Variants in EPB41L2 observed in about 807,000 individuals in gnomAD.
EPB41L2 encodes erythrocyte membrane protein band 4.1 like 2, also known as band 4.1-like protein 2.
EPB41L2 carries 43 observed loss-of-function variants against 113.0 expected under a neutral mutation model. The observed-to-expected ratio is 0.38, with a 90% CI of 0.30 to 0.49. The LOEUF (loss-of-function observed/expected upper bound fraction) is 0.49, where lower values mean the gene tolerates loss of function less well. EPB41L2 is among the 20% of genes least tolerant of loss of function. EPB41L2 has a pLI of 0.95. For synonymous variants in EPB41L2, 442 were observed against 436.7 expected, an observed-to-expected ratio of 1.01 and a Z score of -0.15; for missense variants, 1,147 against 1,223.4, an observed-to-expected ratio of 0.94 and a Z score of 0.93.
intron 8 of EPB41L2, among the ~76,000 whole-genome samples, chr6:130,897,377 G>A (rs763285428): frequency 3.4e-4 from 51 of 152,096 alleles, no homozygotes; most frequent in Non-Finnish European, 5.7e-4. Flanking sequence ...GGAGTCTATC[G>A]GATGATAAAC....
At chr6:130,947,601 C>T (rs539121474) in intron 3 of EPB41L2, among the ~76,000 whole-genome samples, 13 of 152,152 alleles carry the variant, frequency 8.5e-5, no homozygotes, top group Admixed American at 2.6e-4. Context: ...AGTCCTCAGA[C>T]GGTGATTTCC....
chr6:131,026,164 A>G (rs1456966644), intron 1 of EPB41L2, among the ~76,000 whole-genome samples: 1 of 152,224 alleles, frequency 6.6e-6, no homozygotes. Flanking sequence ...CAGGGACTAG[A>G]TTCATTTTAT....
intron 12 of EPB41L2, chr6:130,882,348 A>G (rs978649711): frequency 1.3e-5 from 2 of 152,412 alleles, no homozygotes; most frequent in Non-Finnish European, 2.9e-5. Flanking sequence ...AAGTGTCTAC[A>G]CTTATTTCTC....
intron 1 of EPB41L2, among the ~76,000 whole-genome samples, chr6:130,985,559 C>A (rs1780359647): frequency 1.3e-5 from 2 of 152,174 alleles, no homozygotes; most frequent in South Asian, 4.1e-4. Flanking sequence ...CAAGTGAGGT[C>A]CAGATGGGAC....
At chr6:131,052,462 A>T (rs746454512) in intron 1 of EPB41L2, among the ~76,000 whole-genome samples, 1 of 152,218 alleles carries the variant, frequency 6.6e-6, no homozygotes, top group African/African-American at 2.4e-5. Flanking sequence ...AAGAAAACGG[A>T]ACCAAAAGAT....
At chr6:130,857,549 C>CTTTT (rs10557309) in intron 19 of EPB41L2, among the ~76,000 whole-genome samples, 1 of 72,818 alleles carries the variant, frequency 1.4e-5, no homozygotes, top group African/African-American at 5.8e-5. Context: ...TCAGATGTAT[C>CTTTT]TTTTTTTTTT....
At chr6:131,038,597 A>G (rs1351187931) in intron 1 of EPB41L2, among the ~76,000 whole-genome samples, 1 of 152,210 alleles carries the variant, frequency 6.6e-6, no homozygotes, top group Non-Finnish European at 1.5e-5. Context: ...GAAAAGGAAT[A>G]CTTTTAACTA....
intron 1 of EPB41L2, among the ~76,000 whole-genome samples, chr6:131,015,651 T>C (rs1438607334): frequency 6.6e-6 from 1 of 152,214 alleles, no homozygotes; most frequent in African/African-American, 2.4e-5. Flanking sequence ...TGGACTCTTC[T>C]AAAAAACAAA....
chr6:130,928,049 C>T (rs1000374104), intron 3 of EPB41L2, among the ~76,000 whole-genome samples: 8 of 152,066 alleles, frequency 5.3e-5, no homozygotes, highest in African/African-American at 9.7e-5. Flanking sequence ...GCTGTGTTCA[C>T]GCCACTGCAA....
chr6:130,961,302 T>G (rs1302197132), intron 1 of EPB41L2, among the ~76,000 whole-genome samples: 1 of 152,242 alleles, frequency 6.6e-6, no homozygotes, highest in Non-Finnish European at 1.5e-5. Context: ...ATGCTCCATC[T>G]GGGTTGATAA....
rs146938592 is a variant in EPB41L2 at position 131,032,559 on chromosome 6, C to T, written c.-15+30596G>A. ...TGACCATCATCCCAGGATATTACAA[C>T]GTATGCTCACTTGCTAGGTTAGCTT... On this transcript the variant is annotated intron_variant, in intron 1 of 19. Transcript: ENST00000337057. 7.7e-4 allele frequency among the ~76,000 whole-genome samples: 117 copies of T among 152,262 alleles called. 2 individuals carry two copies. The highest frequency in any genetic ancestry group is 3.5e-3 in the South Asian group (17 of 4,806).
intron 4 of EPB41L2, among the ~76,000 whole-genome samples, chr6:130,920,882 C>A (rs1352436325): frequency 1.3e-5 from 2 of 152,170 alleles, no homozygotes; most frequent in African/African-American, 4.8e-5. Context: ...CAACAGCTTA[C>A]AAACGTGTCC....
intron 3 of EPB41L2, among the ~76,000 whole-genome samples, chr6:130,953,101 T>G (rs1048720003): frequency 6.6e-6 from 1 of 151,002 alleles, no homozygotes; most frequent in African/African-American, 2.4e-5. Context: ...AGCAAATGAC[T>G]TAAGGTCACA....
chr6:131,020,084 AC>A (rs1328821910), intron 1 of EPB41L2, among the ~76,000 whole-genome samples: 3 of 152,090 alleles, frequency 2.0e-5, no homozygotes, highest in African/African-American at 4.8e-5. Flanking sequence ...AAAAGTATTA[AC>A]ATAGATGTAT....
Position 130,890,351 on chromosome 6 carries a change from G to A in EPB41L2, c.1603C>T (p.Pro535Ser). The A allele has an allele frequency of 6.2e-7, 1 of 1,613,802 alleles. No individual in the cohort carries two copies. Among genetic ancestry groups the A allele is most frequent in the Non-Finnish European group, 8.5e-7 (1 of 1,179,886 alleles). ...TRQASTLIDR[P>S]APHFERTSSK... ...GAAGTGCGCTCAAAGTGTGGTGCTG[G>A]CCTATCTATGAGGGTGCTGGCCTGG... The change falls in exon 11 of 20, where the codon CCA becomes TCA. Residue 535 changes from proline (P) to serine (S), a missense_variant. Transcript: ENST00000337057.
At chr6:130,856,201 A>T (rs73775318) in intron 19 of EPB41L2, among the ~76,000 whole-genome samples, 3,877 of 152,316 alleles carry the variant, frequency 0.025, 164 homozygotes, top group African/African-American at 0.089. Context: ...ACCTAGGGGT[A>T]TGGAAAAAAC....
chr6:130,950,502 A>T (rs753548721), intron 3 of EPB41L2, among the ~76,000 whole-genome samples: 4 of 152,158 alleles, frequency 2.6e-5, no homozygotes, highest in Non-Finnish European at 5.9e-5. Context: ...AAAAAAATTT[A>T]AAAATTTGAA....
intron 1 of EPB41L2, among the ~76,000 whole-genome samples, chr6:130,979,340 G>A (rs1309743009): frequency 6.6e-6 from 1 of 150,942 alleles, no homozygotes; most frequent in Non-Finnish European, 1.5e-5. Flanking sequence ...ATAAAAATTA[G>A]CCTAAAAATA....
intron 10 of EPB41L2, among the ~76,000 whole-genome samples, chr6:130,892,403 C>CTTTTTTTTTGTTTTTTTTTTTTTTTT (rs1793208875): frequency 2.2e-5 from 2 of 92,640 alleles, no homozygotes; most frequent in Non-Finnish European, 4.8e-5. Flanking sequence ...CAGATTATTG[C>CTTTTTTTTTGTTTTTTTTTTTTTTTT]TTTTTTTTTT....
Sources: allele counts gnomAD v4.1 joint callset (sites outside exome capture counted in the v4.1 genomes callset), GRCh38; gene constraint gnomAD v4.1.1; transcripts MANE v1.5; gene names NCBI Gene and HGNC (gene_info 2026-07-23, HGNC 2026-07-21).